Variants in PLG observed in about 807,000 individuals in gnomAD.
The protein encoded by PLG is plasmin.
Under a neutral mutation model 104.4 loss-of-function variants are expected in PLG, and 41 were observed. The observed-to-expected ratio is 0.39, with a 90% CI of 0.31 to 0.51. PLG has a LOEUF of 0.51. PLG is among the 20% of genes least tolerant of loss of function. The pLI is 0.76. For missense variants in PLG, 891 were observed against 1,003.6 expected, an observed-to-expected ratio of 0.89 and a Z score of 1.52; for synonymous variants, 337 against 357.1, an observed-to-expected ratio of 0.94 and a Z score of 0.63.
chr6:160,735,463 A>G lies in PLG; in HGVS notation c.1681+1375A>G, dbSNP rs906418530. On this transcript the variant is annotated intron_variant, in intron 13 of 18. Coordinates refer to ENST00000308192, the MANE Select transcript of PLG (RefSeq NM_000301.5). The surrounding 1 kb of genome is among the most constrained non-coding windows in gnomAD (Gnocchi z 5.4). ...TCAGGTTCTTAGAGATTGGAGAAAGAAGGAAGAATGGGAACAAGATTTTTC... is the reference window on the plus strand; with the variant it reads ...TCAGGTTCTTAGAGATTGGAGAAAGGAGGAAGAATGGGAACAAGATTTTTC... 1.2e-4 allele frequency among the ~76,000 whole-genome samples: 18 copies of G among 152,208 alleles called. No homozygotes were observed. The highest frequency in any genetic ancestry group is 2.5e-4 in the Non-Finnish European group (17 of 68,036).
chr6:160,723,909 A>G lies in PLG; in HGVS notation c.1256+1342A>G, dbSNP rs537658991. ...GGAGTAGGATTAGTGTATTCCTATA[A>G]TAAAGGCCACTCCAGAAACAGCATA... On this transcript the variant is annotated intron_variant, in intron 10 of 18. Transcript: ENST00000308192. The surrounding 1 kb of genome is among the most constrained non-coding windows in gnomAD (Gnocchi z 4.7). Among the ~76,000 whole-genome samples the G allele has an allele frequency of 1.3e-5, 2 of 152,306 alleles. No individual in the cohort carries two copies. The highest frequency in any genetic ancestry group is 1.3e-4 in the Admixed American group (2 of 15,294).
At chr6:160,716,534 A>C (rs1023679358) in intron 6 of PLG, 111 bp from the exon 7 acceptor site, 1 of 764,696 alleles carries the variant, frequency 1.3e-6, no homozygotes, top group Non-Finnish European at 2.4e-6. Context: ...TACCTCCTCC[A>C]TGCCCGACTG....
At chr6:160,721,037 T>C (rs1442310060) in intron 9 of PLG, among the ~76,000 whole-genome samples, 1 of 152,212 alleles carries the variant, frequency 6.6e-6, no homozygotes, top group East Asian at 1.9e-4. Flanking sequence ...TCTGATATTA[T>C]GACTTTTTTT....
At position 160,752,202 on chromosome 6, in the gene PLG, G is replaced by A; in HGVS notation, c.2213G>A (p.Arg738Lys). 1 of 1,613,762 alleles carries A rather than the reference G, an allele frequency of 6.2e-7. No individual in the cohort carries two copies. Among genetic ancestry groups the A allele is most frequent in the Non-Finnish European group, 8.5e-7 (1 of 1,179,648 alleles). The change falls in exon 18 of 19, where the codon AGA becomes AAA. Residue 738 changes from arginine to lysine, a missense_variant. Arg to Lys is a conservative substitution (Grantham distance 26). Coordinates refer to ENST00000308192, the MANE Select transcript of PLG (RefSeq NM_000301.5). The surrounding 1 kb of genome is among the most constrained non-coding windows in gnomAD (Gnocchi z 4.7). ...AATCGCTATGAGTTTCTGAATGGAA[G>A]AGTCCAATCCACCGAACTCTGTGCT... ...VCNRYEFLNG[R>K]VQSTELCAGH...
chr6:160,733,441 T>C (rs1166379886), intron 12 of PLG, among the ~76,000 whole-genome samples: 1 of 152,076 alleles, frequency 6.6e-6, no homozygotes, highest in Non-Finnish European at 1.5e-5. Context: ...CACCACTCCC[T>C]GTCCAGGGGT....
chr6:160,748,362 A>AAGAAAGAAAGAGAGAGAGAGAG (rs1562383270), intron 17 of PLG, among the ~76,000 whole-genome samples: 9 of 37,076 alleles, frequency 2.4e-4, no homozygotes, highest in Non-Finnish European at 4.2e-4. Flanking sequence ...GAAAGAAAGA[A>AAGAAAGAAAGAGAGAGAGAGAG]AGAAAGAAAG....
chr6:160,749,542 TCAC>T (rs1294729809), intron 17 of PLG, among the ~76,000 whole-genome samples: 84 of 144,898 alleles, frequency 5.8e-4, no homozygotes, highest in African/African-American at 2.1e-3. Flanking sequence ...ATCACCATCA[TCAC>T]CACCATCACC....
At chr6:160,706,192 C>A (rs1177883654) in intron 1 of PLG, 7 of 617,430 alleles carry the variant, frequency 1.1e-5, no homozygotes, top group Non-Finnish European at 2.0e-5. Flanking sequence ...TCTGGTAGTC[C>A]CCAGTGTCTT....
In PLG at chr6:160,731,298, A is replaced by C; in HGVS notation, c.1438+66A>C. On this transcript the variant is annotated intron_variant, in intron 11 of 18. Coordinates refer to ENST00000308192, the MANE Select transcript of PLG (RefSeq NM_000301.5). The surrounding 1 kb of genome is among the most constrained non-coding windows in gnomAD (Gnocchi z 5.1). ...GGGATGAAAAGCCATGGAAAATCTC[A>C]CTGATGCAGAAACCTTCCATGCTAC... 58 of 1,361,330 alleles carry C rather than the reference A, an allele frequency of 4.3e-5. No homozygotes were observed. Among genetic ancestry groups the C allele is most frequent in the African/African-American group, 5.7e-5 (4 of 70,260 alleles). 84.3% of individuals were successfully genotyped at this position (1,361,330 alleles called of 1,614,324 possible).
At position 160,732,226 on chromosome 6, in the gene PLG, C is replaced by A. The variant is rs1271798933; in HGVS notation, c.1587+333C>A. Among the ~76,000 whole-genome samples the A allele has an allele frequency of 6.6e-6, 1 of 151,946 alleles. No homozygotes were observed. The highest frequency in any genetic ancestry group is 2.4e-5 in the African/African-American group (1 of 41,314). On this transcript the variant is annotated intron_variant, in intron 12 of 18. Coordinates refer to ENST00000308192, the MANE Select transcript of PLG (RefSeq NM_000301.5). This position sits in a 1 kb window ranked among gnomAD's most constrained non-coding sequence, Gnocchi z 4.5. ...GCTAGGTTCCAGTAATCAAAGATGC[C>A]CTTTATGAAATTTAAGTCAGATTTT... is the stretch of plus-strand genomic sequence containing the variant.
Position 160,741,170 on chromosome 6 carries a change from T to A in PLG, c.2019-141T>A. 1 of 692,562 alleles carries A rather than the reference T, an allele frequency of 1.4e-6. No individual in the cohort carries two copies. The highest frequency in any genetic ancestry group is 2.8e-5 in the East Asian group (1 of 36,078). 42.9% of individuals were successfully genotyped at this position (692,562 alleles called of 1,614,324 possible). On this transcript the variant is annotated intron_variant, in intron 16 of 18. Transcript: ENST00000308192. The surrounding 1 kb of genome is among the most constrained non-coding windows in gnomAD (Gnocchi z 4.7). ...AGGCAAATGTGAGGGTGAAACTCTGTGTTCTACGTTGCTCTGTGTCAGTGA... is the reference window on the plus strand; with the variant it reads ...AGGCAAATGTGAGGGTGAAACTCTGAGTTCTACGTTGCTCTGTGTCAGTGA...
Position 160,731,738 on chromosome 6 carries a change from T to G in PLG, c.1439-7T>G, listed in dbSNP as rs766011256. The G allele has an allele frequency of 1.7e-5, 27 of 1,613,432 alleles. No homozygotes were observed. Among genetic ancestry groups the G allele is most frequent in the Admixed American group, 3.3e-5 (2 of 59,992 alleles). On this transcript the variant is annotated splice_region_variant and splice_polypyrimidine_tract_variant and intron_variant, in intron 11 of 18. Transcript: ENST00000308192. This position sits in a 1 kb window ranked among gnomAD's most constrained non-coding sequence, Gnocchi z 5.1. Reference sequence around the variant, plus strand: ...TCTTCATAATCATCCATTTTTTCCCTGTACAGACTGTATGTTTGGGAATGG... The same window carrying G: ...TCTTCATAATCATCCATTTTTTCCCGGTACAGACTGTATGTTTGGGAATGG...
chr6:160,749,538 A>G (rs112798407), intron 17 of PLG, among the ~76,000 whole-genome samples: 6 of 149,252 alleles, frequency 4.0e-5, no homozygotes, highest in Admixed American at 2.7e-4. Context: ...CACCATCACC[A>G]TCATCACCAC....
At position 160,739,771 on chromosome 6, in the gene PLG, A is replaced by C. The variant is rs1171255427; in HGVS notation, c.2018+563A>C. ...GTAAGACACTGTACCAAAAAAAAAA[A>C]CACCAAAAAAACAAAAAACAAACAA... On this transcript the variant is annotated intron_variant, in intron 16 of 18. Coordinates refer to ENST00000308192, the MANE Select transcript of PLG (RefSeq NM_000301.5). This position sits in a 1 kb window ranked among gnomAD's most constrained non-coding sequence, Gnocchi z 4.4. Among the ~76,000 whole-genome samples, 2 of 148,388 alleles carry C rather than the reference A, an allele frequency of 1.3e-5. No homozygotes were observed. The highest frequency in any genetic ancestry group is 5.2e-5 in the African/African-American group (2 of 38,408).
rs1433582713 is a variant in PLG at position 160,716,506 on chromosome 6, ACACAG to A, written c.669-137_669-133del. 19 of 711,762 alleles carry A rather than the reference ACACAG, an allele frequency of 2.7e-5. No individual in the cohort carries two copies. The East Asian group carries it at 4.5e-4, about 17-fold the overall frequency. The allele number at this position is 711,762 out of a possible 1,614,324, so 44.1% of individuals were successfully genotyped here. ...CTTGTTTCCTTGTTGCCATCTCTGA[ACACAG>A]CCTTCATCTGATTACCTCCTCCATG... On this transcript the variant is annotated intron_variant, in intron 6 of 18. Transcript: ENST00000308192.
At chr6:160,715,843 G>C (rs1407198818) in intron 6 of PLG, among the ~76,000 whole-genome samples, 1 of 152,258 alleles carries the variant, frequency 6.6e-6, no homozygotes, top group Non-Finnish European at 1.5e-5. Context: ...AAACCAGAAG[G>C]AGAAGAGGAT....
In PLG at chr6:160,737,431, C is replaced by A. The variant is rs78466285; in HGVS notation, c.1802+424C>A. 6.6e-6 allele frequency among the ~76,000 whole-genome samples: 1 copy of A among 152,190 alleles called. No homozygotes were observed. Reference sequence around the variant, plus strand: ...AATTATCTCCAGTCTATCACAGGCACAGATTCTTTTTCTTTGGACACTTTC... The same window carrying A: ...AATTATCTCCAGTCTATCACAGGCAAAGATTCTTTTTCTTTGGACACTTTC... On this transcript the variant is annotated intron_variant, in intron 14 of 18. Transcript: ENST00000308192. This position sits in a 1 kb window ranked among gnomAD's most constrained non-coding sequence, Gnocchi z 4.7.
rs768137448 is a variant in PLG at position 160,707,690 on chromosome 6, C to T, written c.186-10C>T. On this transcript the variant is annotated splice_polypyrimidine_tract_variant and intron_variant, in intron 2 of 18. Coordinates refer to ENST00000308192, the MANE Select transcript of PLG (RefSeq NM_000301.5). ...AAAATACTTATTGGATTTCCTGCTTCGTTCTGCAGGGCATTCCAATATCAC... is the reference window on the plus strand; with the variant it reads ...AAAATACTTATTGGATTTCCTGCTTTGTTCTGCAGGGCATTCCAATATCAC... 7 of 1,592,204 alleles carry T rather than the reference C, an allele frequency of 4.4e-6. No homozygotes were observed. Among genetic ancestry groups the T allele is most frequent in the Middle Eastern group, 2.3e-4 (1 of 4,374 alleles).
Position 160,752,749 on chromosome 6 carries a change from A to G in PLG, c.2272-151A>G. ...CTAAACAGATTTTGCTAAGTACTTAAGCACTGCAGATGCTTGAGTAATATG... is the reference window on the plus strand; with the variant it reads ...CTAAACAGATTTTGCTAAGTACTTAGGCACTGCAGATGCTTGAGTAATATG... On this transcript the variant is annotated intron_variant, in intron 18 of 18. Coordinates refer to ENST00000308192, the MANE Select transcript of PLG (RefSeq NM_000301.5). The surrounding 1 kb of genome is among the most constrained non-coding windows in gnomAD (Gnocchi z 4.7). 1.1e-6 allele frequency: 1 copy of G among 948,242 alleles called. No homozygotes were observed. Among genetic ancestry groups the G allele is most frequent in the South Asian group, 1.4e-5 (1 of 69,842 alleles). 58.7% of individuals were successfully genotyped at this position (948,242 alleles called of 1,614,324 possible). A position where few individuals can be genotyped will look rare whatever the true frequency, so the allele number is the denominator to read the frequency against.
Sources: gnomAD v4.1 joint callset for allele counts (sites outside exome capture counted in the v4.1 genomes callset) on GRCh38, gnomAD v4.1.1 for gene constraint, Gnocchi (gnomAD v3.1) non-coding constraint, MANE v1.5 for transcripts, NCBI Gene and HGNC (gene_info 2026-07-23, HGNC 2026-07-21) for gene names.